The following DNAH12 variants were observed in gnomAD, a reference collection of about 807,000 sequenced individuals.
The protein encoded by DNAH12 is axonemal beta dynein heavy chain 12.
DNAH12 carries 285 observed loss-of-function variants against 371.5 expected under a neutral mutation model. That is an observed-to-expected ratio of 0.77 (90% CI 0.70 to 0.85). The LOEUF is 0.85. DNAH12 is among the 40% of genes least tolerant of loss of function. The pLI is 0.00. For synonymous variants in DNAH12, 1,200 were observed against 1,213.0 expected (o/e 0.99, Z 0.22); for missense variants, 3,611 against 3,689.4 (o/e 0.98, Z 0.55).
chr3:57,414,122 T>A (rs2064291293), intron 38 of DNAH12, among the ~76,000 whole-genome samples: 1 of 150,274 alleles, frequency 6.7e-6, no homozygotes, highest in Non-Finnish European at 1.5e-5. Flanking sequence ...AGTTTAAGTT[T>A]CTGTAGGGAA....
intron 13 of DNAH12, among the ~76,000 whole-genome samples, chr3:57,482,623 G>A (rs1247521926): frequency 3.3e-5 from 5 of 152,074 alleles, no homozygotes; most frequent in East Asian, 1.9e-4. Context: ...ACATGCACAC[G>A]TATGTTTATT....
At chr3:57,423,189 G>A (rs986840239) in intron 35 of DNAH12, among the ~76,000 whole-genome samples, 1 of 152,108 alleles carries the variant, frequency 6.6e-6, no homozygotes, top group African/African-American at 2.4e-5. Context: ...ATATCAATCT[G>A]TATAACTCTC....
At chr3:57,432,050 A>C (rs2064971003) in intron 32 of DNAH12, among the ~76,000 whole-genome samples, 1 of 152,128 alleles carries the variant, frequency 6.6e-6, no homozygotes, top group Admixed American at 6.6e-5. Flanking sequence ...CTACAATTAG[A>C]ATAACCTTCC....
rs78920632 is a variant in DNAH12 at position 57,407,632 on chromosome 3, A to G, written c.6276+648T>C. On this transcript the variant is annotated intron_variant, in intron 40 of 73. Coordinates refer to ENST00000495027, the MANE Select transcript of DNAH12 (RefSeq NM_001366028.2). ...CTAGAAAGTGTAGTTTGGTAAGATCATGACTGACGTGCCTTTAAATATATT... is the reference window on the plus strand; with the variant it reads ...CTAGAAAGTGTAGTTTGGTAAGATCGTGACTGACGTGCCTTTAAATATATT... 2.5e-3 allele frequency among the ~76,000 whole-genome samples: 379 copies of G among 152,106 alleles called. 3 individuals are homozygous for G. The highest frequency in any genetic ancestry group is 8.8e-3 in the African/African-American group (366 of 41,378).
chr3:57,418,653 T>C (rs1201487710), intron 37 of DNAH12, among the ~76,000 whole-genome samples: 2 of 152,106 alleles, frequency 1.3e-5, no homozygotes, highest in Non-Finnish European at 2.9e-5. Flanking sequence ...AGGGGTAAAC[T>C]AATTTTCCCT....
At chr3:57,516,342 A>C (rs1303427252) in intron 4 of DNAH12, among the ~76,000 whole-genome samples, 2 of 151,770 alleles carry the variant, frequency 1.3e-5, no homozygotes, top group East Asian at 3.9e-4. Context: ...GATTACAGGC[A>C]TGAGCCACCA....
At chr3:57,500,105 A>T (rs1326275056) in intron 11 of DNAH12, among the ~76,000 whole-genome samples, 1 of 149,932 alleles carries the variant, frequency 6.7e-6, no homozygotes, top group East Asian at 2.0e-4. Flanking sequence ...CAGTGGCATG[A>T]GCTCCGCTCA....
intron 55 of DNAH12, among the ~76,000 whole-genome samples, chr3:57,368,838 T>C (rs1308149690): frequency 6.6e-6 from 1 of 152,174 alleles, no homozygotes; most frequent in African/African-American, 2.4e-5. Context: ...TGTGCTTTTC[T>C]CTTCCTCATG....
At chr3:57,294,533 A>T (rs908354036) in intron 73 of DNAH12, among the ~76,000 whole-genome samples, 4 of 152,134 alleles carry the variant, frequency 2.6e-5, no homozygotes, top group Admixed American at 2.6e-4. Flanking sequence ...AATAGACTTT[A>T]AAGTTCTGAC....
At chr3:57,384,567 C>A (rs1191798516) in intron 49 of DNAH12, among the ~76,000 whole-genome samples, 3 of 152,002 alleles carry the variant, frequency 2.0e-5, no homozygotes, top group Admixed American at 1.3e-4. Context: ...TCATTTGAGC[C>A]CAGGAGATGG....
intron 66 of DNAH12, among the ~76,000 whole-genome samples, chr3:57,312,859 C>A (rs1444045235): frequency 6.6e-6 from 1 of 152,122 alleles, no homozygotes; most frequent in Admixed American, 6.5e-5. Flanking sequence ...AAGGTTTCTG[C>A]CCTGATATTT....
intron 49 of DNAH12, among the ~76,000 whole-genome samples, chr3:57,384,398 AG>A (rs2063458387): frequency 6.6e-6 from 1 of 152,166 alleles, no homozygotes; most frequent in African/African-American, 2.4e-5. Context: ...GCACTTTGGG[AG>A]GCCAAGGTGG....
intron 60 of DNAH12, among the ~76,000 whole-genome samples, chr3:57,351,337 G>A (rs1311213300): frequency 2.6e-5 from 4 of 152,236 alleles, no homozygotes; most frequent in Non-Finnish European, 5.9e-5. Flanking sequence ...TGGTGCAATG[G>A]AATGCTCAAA....
chr3:57,497,305 A>C (rs997943783), intron 11 of DNAH12, among the ~76,000 whole-genome samples: 31 of 152,236 alleles, frequency 2.0e-4, no homozygotes, highest in Non-Finnish European at 8.8e-5. Flanking sequence ...GAAAAAGGAC[A>C]AAGTGGGAGA....
chr3:57,489,912 T>A lies in DNAH12; in HGVS notation c.1336-225A>T, dbSNP rs1398048860. On this transcript the variant is annotated intron_variant, in intron 11 of 73. Transcript: ENST00000495027. ...ATATCCAATACGATACCATTCACAG[T>A]ATCAAAATCTGAACATATCACACGG... 2.6e-5 allele frequency among the ~76,000 whole-genome samples: 4 copies of A among 152,176 alleles called. No individual in the cohort carries two copies. In the East Asian group the frequency reaches 7.7e-4, roughly 29 times the overall value.
intron 65 of DNAH12, among the ~76,000 whole-genome samples, chr3:57,320,742 A>T (rs907523804): frequency 1.3e-5 from 2 of 152,176 alleles, no homozygotes; most frequent in African/African-American, 4.8e-5. Flanking sequence ...GACCCACTGA[A>T]TTAGAGACTC....
chr3:57,483,389 A>G lies in DNAH12; in HGVS notation c.1637T>C (p.Ile546Thr), dbSNP rs2066817139. The G allele has an allele frequency of 1.3e-6, 2 of 1,544,204 alleles. No individual in the cohort carries two copies. Among genetic ancestry groups the G allele is most frequent in the East Asian group, 4.9e-5 (2 of 40,874 alleles). Residue 546 changes from isoleucine (I) to threonine (T), a missense_variant, in exon 13 of 74, where the codon ATT becomes ACT. By Grantham distance (89) the Ile-to-Thr change is moderately conservative. Around this residue, in one of 3 missense-constraint regions of DNAH12, gnomAD observed 1,314 missense variants for 1,398.7 expected, o/e 0.94. Coordinates refer to ENST00000495027, the MANE Select transcript of DNAH12 (RefSeq NM_001366028.2). Reference protein sequence around the residue: ...KARTVGIEELILRIQESKRQM... With the variant: ...KARTVGIEELTLRIQESKRQM... ...AAAATTCCTTACCTGGATCCTTAAAATCAACTCTTCGATTCCTACAGTCCG... is the reference window on the plus strand; with the variant it reads ...AAAATTCCTTACCTGGATCCTTAAAGTCAACTCTTCGATTCCTACAGTCCG...
rs1044720800 is a variant in DNAH12, at chr3:57,356,795, G to A, written c.9533+381C>T. 3.0e-3 allele frequency among the ~76,000 whole-genome samples: 456 copies of A among 151,756 alleles called. 2 individuals are homozygous for A. Among genetic ancestry groups the A allele is most frequent in the African/African-American group, 0.01 (418 of 41,354 alleles). The stretch of plus-strand genomic sequence containing the variant: ...CACTCTGTTGCGCAGGCTGGAGTGC[G>A]GGGGTGCCATCTCGACTCACTGCAA... On this transcript the variant is annotated intron_variant, in intron 59 of 73. Transcript: ENST00000495027.
At chr3:57,555,142 G>T in the DNAH12 span, among the ~76,000 whole-genome samples, 4 of 152,082 alleles carry the variant, frequency 2.6e-5, no homozygotes, top group African/African-American at 9.7e-5. Flanking sequence ...TACTTGGGAG[G>T]CTGAGGCACG....
Sources: gnomAD v4.1 joint callset for allele counts (sites outside exome capture counted in the v4.1 genomes callset) on GRCh38, gnomAD v4.1.1 for gene constraint, gnomAD v4.1.1 regional missense constraint, MANE v1.5 for transcripts, NCBI Gene and HGNC (gene_info 2026-07-23, HGNC 2026-07-21) for gene names.